The following KDELR3 variants were observed in gnomAD, a reference collection of about 807,000 sequenced individuals.
KDELR3 encodes the protein ER lumen protein-retaining receptor 3.
KDELR3 carries 26 observed loss-of-function variants against 22.7 expected under a neutral mutation model. The ratio of observed to expected loss-of-function variants is 1.15; its 90% confidence interval spans 0.84 to 1.59. The LOEUF (loss-of-function observed/expected upper bound fraction) is 1.59, where lower values mean the gene tolerates loss of function less well. Among genes scored for constraint, KDELR3 ranks in the 40% most tolerant of loss-of-function variants. The pLI, the probability that KDELR3 is intolerant of heterozygous loss-of-function variation, is 0.00. For missense variants in KDELR3, 289 were observed against 251.1 expected (o/e 1.15, Z -1.02); for synonymous variants, 120 against 98.2 (o/e 1.22, Z -1.31).
Position 38,482,483 on chromosome 22 carries a change from C to T in KDELR3, c.605-13C>T, listed in dbSNP as rs1301121011. On this transcript the variant is annotated splice_polypyrimidine_tract_variant and intron_variant, in intron 4 of 4. Transcript: ENST00000216014. ...AGATGGTAAATTCTTATTTCATCTC[C>T]ATTTTCTTCCAGTCCTTAAGGGAAA... 1.2e-6 allele frequency: 2 copies of T among 1,605,880 alleles called. No homozygotes were observed. The highest frequency in any genetic ancestry group is 1.3e-5 in the African/African-American group (1 of 74,706).
At chr22:38,468,429 C>T (rs964774615) in intron 1 of KDELR3, 105 bp downstream of exon 1, 118 of 872,490 alleles carry the variant, frequency 1.4e-4, no homozygotes, top group Non-Finnish European at 1.7e-4. Flanking sequence ...GTGGGGACTC[C>T]GGCGTGGGGG....
At chr22:38,469,653 C>A (rs2089512224) in intron 1 of KDELR3, among the ~76,000 whole-genome samples, 1 of 152,072 alleles carries the variant, frequency 6.6e-6, no homozygotes, top group Non-Finnish European at 1.5e-5. Flanking sequence ...GGAGAATCAG[C>A]TCCAACCTCT....
intron 2 of KDELR3, among the ~76,000 whole-genome samples, chr22:38,476,102 T>A (rs951646651): frequency 6.6e-6 from 1 of 150,756 alleles, no homozygotes; most frequent in African/African-American, 2.4e-5. Flanking sequence ...GCTAATTTTT[T>A]TGTATTTTTA....
intron 4 of KDELR3, chr22:38,481,767 TG>T: frequency 1.3e-6 from 1 of 765,518 alleles, no homozygotes; most frequent in Non-Finnish European, 1.8e-6. Flanking sequence ...CTTGGTGTGA[TG>T]GACAAAAAGC....
intron 3 of KDELR3, among the ~76,000 whole-genome samples, chr22:38,480,670 G>A (rs2089593392): frequency 2.6e-5 from 4 of 151,964 alleles, no homozygotes. Context: ...GGAGAATGGA[G>A]TGAACCCAGG....
At chr22:38,476,827 CCT>C (rs1491239123) in intron 2 of KDELR3, among the ~76,000 whole-genome samples, 67 of 149,598 alleles carry the variant, frequency 4.5e-4, no homozygotes, top group African/African-American at 1.6e-3. Flanking sequence ...CCTGGCCCCC[CCT>C]TTTTTTTTTT....
intron 1 of KDELR3, among the ~76,000 whole-genome samples, chr22:38,472,905 G>C (rs1223638960): frequency 6.6e-6 from 1 of 151,994 alleles, no homozygotes; most frequent in Non-Finnish European, 1.5e-5. Context: ...TCTCCAAGTT[G>C]GTCAGGCTTG....
chr22:38,473,237 A>G (rs2089535830), intron 1 of KDELR3, among the ~76,000 whole-genome samples: 1 of 152,248 alleles, frequency 6.6e-6, no homozygotes, highest in East Asian at 1.9e-4. Flanking sequence ...AGGCTGGGCG[A>G]CATAGTGAAA....
Position 38,482,565 on chromosome 22 carries a change from C to G in KDELR3, c.*29C>G. The G allele has an allele frequency of 6.3e-7, 1 of 1,583,014 alleles. No individual in the cohort carries two copies. The highest frequency in any genetic ancestry group is 1.1e-5 in the South Asian group (1 of 90,128). On this transcript the variant is annotated 3_prime_UTR_variant, in exon 5 of 5. Coordinates refer to ENST00000216014, the MANE Select transcript of KDELR3 (RefSeq NM_006855.4). ...CCTTCAGAGACAGTCTACGCCTTAA[C>G]AAGCACATGAAGGAAACTATTTTGA...
At chr22:38,478,987 G>A (rs941992959) in intron 2 of KDELR3, among the ~76,000 whole-genome samples, 8 of 151,986 alleles carry the variant, frequency 5.3e-5, no homozygotes, top group African/African-American at 1.9e-4. Flanking sequence ...GTGCTGGCCT[G>A]GAAGGTTGGA....
At chr22:38,473,002 A>G (rs1263292582) in intron 1 of KDELR3, among the ~76,000 whole-genome samples, 3 of 152,154 alleles carry the variant, frequency 2.0e-5, no homozygotes, top group African/African-American at 7.2e-5. Context: ...CCCCGGCCCA[A>G]ATACGATGTT....
At chr22:38,471,140 G>A (rs2089522339) in intron 1 of KDELR3, among the ~76,000 whole-genome samples, 1 of 151,344 alleles carries the variant, frequency 6.6e-6, no homozygotes, top group South Asian at 2.1e-4. Flanking sequence ...GCAGAACTCT[G>A]TCTCAAACAA....
intron 1 of KDELR3, among the ~76,000 whole-genome samples, chr22:38,472,844 C>CT (rs1419791218): frequency 7.9e-4 from 121 of 152,258 alleles, no homozygotes; most frequent in African/African-American, 2.9e-3. Flanking sequence ...GGGTTACAGG[C>CT]ATGAGCCACC....
chr22:38,482,429 G>T lies in KDELR3; in HGVS notation c.605-67G>T, dbSNP rs916929284. The stretch of plus-strand genomic sequence containing the variant: ...CATTAAGAGATGATACCAAGATTAT[G>T]CATCAAGTTATAAAGCAGTCCTTTC... On this transcript the variant is annotated intron_variant, in intron 4 of 4. Coordinates refer to ENST00000216014, the MANE Select transcript of KDELR3 (RefSeq NM_006855.4). 3 of 1,256,888 alleles carry T rather than the reference G, an allele frequency of 2.4e-6. No individual in the cohort carries two copies. In the Admixed American group the frequency reaches 5.1e-5, roughly 21 times the overall value. The allele number at this position is 1,256,888 out of a possible 1,614,324, so 77.9% of individuals were successfully genotyped here. A position where few individuals can be genotyped will look rare whatever the true frequency, so the allele number is the denominator to read the frequency against.
chr22:38,472,725 G>T (rs2089532785), intron 1 of KDELR3, among the ~76,000 whole-genome samples: 1 of 152,102 alleles, frequency 6.6e-6, no homozygotes, highest in South Asian at 2.1e-4. Flanking sequence ...TTAAGACAGA[G>T]TTTTGCTCTT....
At chr22:38,475,994 G>A (rs984329626) in intron 2 of KDELR3, among the ~76,000 whole-genome samples, 1 of 152,124 alleles carries the variant, frequency 6.6e-6, no homozygotes, top group African/African-American at 2.4e-5. Flanking sequence ...GTGCAGTGGT[G>A]CGATCATGGC....
In KDELR3 at chr22:38,481,492, A is replaced by G. The variant is rs1221983239; in HGVS notation, c.604+28A>G. The G allele has an allele frequency of 3.1e-6, 5 of 1,613,988 alleles. No individual in the cohort carries two copies. The Admixed American group carries it at 6.7e-5, about 22-fold the overall frequency. On this transcript the variant is annotated intron_variant, in intron 4 of 4. Transcript: ENST00000216014. Reference sequence around the variant, plus strand: ...AGGTCCTGGGATGACAGCAATGCTGACACTGGCCTAAGGAGTTACTCATCC... The same window carrying G: ...AGGTCCTGGGATGACAGCAATGCTGGCACTGGCCTAAGGAGTTACTCATCC...
Position 38,482,514 on chromosome 22 carries a change from T to TAAGTC in KDELR3, c.624_628dup (p.Leu210GlnfsTer17). ...CTTCCAGTCCTTAAGGGAAAGAAGT[T>TAAGTC]AAGTCTTCCAATGCCAATCTGAGGA... On this transcript the variant is annotated frameshift_variant, in exon 5 of 5. Transcript: ENST00000216014. LOFTEE classifies it high-confidence loss of function. 15 of 1,613,028 alleles carry TAAGTC rather than the reference T, an allele frequency of 9.3e-6. No individual in the cohort carries two copies. Among genetic ancestry groups the TAAGTC allele is most frequent in the Non-Finnish European group, 1.3e-5 (15 of 1,178,958 alleles).
chr22:38,476,898 C>T (rs568096791), intron 2 of KDELR3, among the ~76,000 whole-genome samples: 40 of 150,888 alleles, frequency 2.7e-4, no homozygotes, highest in African/African-American at 8.8e-4. Context: ...TCTCTGCTCC[C>T]GGGTTCAAGT....
Sources: allele counts gnomAD v4.1 joint callset (sites outside exome capture counted in the v4.1 genomes callset), GRCh38; gene constraint gnomAD v4.1.1; transcripts MANE v1.5; gene names NCBI Gene and HGNC (gene_info 2026-07-23, HGNC 2026-07-21).